TRPC4: variants seen among roughly 807,000 people sequenced by gnomAD.
TRPC4 encodes the protein transient receptor potential cation channel subfamily C member 4.
A neutral mutation model predicts 99.4 loss-of-function variants in TRPC4; 49 were observed. That is an observed-to-expected ratio of 0.49 (90% CI 0.39 to 0.63). The LOEUF is 0.63. TRPC4 is among the 20% of genes least tolerant of loss of function. TRPC4 has a pLI of 0.00. For missense variants in TRPC4, 898 were observed against 1,152.9 expected (o/e 0.78, Z 3.20); for synonymous variants, 454 against 425.9 (o/e 1.07, Z -0.81).
rs1363165324 is a variant in TRPC4, at chr13:37,783,261, C to T, written c.73G>A (p.Ala25Thr). ...RDRIPLRIVR[A>T]ESELSPSEKA... ...TCTGATGGCGAGAGTTCTGATTCTG[C>T]TCTTACTATCCTTAGAGGGATGCGG... Residue 25 changes from alanine (A) to threonine (T), a missense_variant, in exon 2 of 11, where the codon GCA becomes ACA. By Grantham distance (58) the Ala-to-Thr change is moderately conservative (BLOSUM62 0). Transcript: ENST00000379705. 1.2e-6 allele frequency: 2 copies of T among 1,613,428 alleles called. No homozygotes were observed. Among genetic ancestry groups the T allele is most frequent in the African/African-American group, 2.7e-5 (2 of 74,890 alleles).
intron 3 of TRPC4, among the ~76,000 whole-genome samples, chr13:37,728,763 C>T (rs1413393680): frequency 1.3e-5 from 2 of 152,060 alleles, no homozygotes; most frequent in African/African-American, 4.8e-5. Flanking sequence ...AGGTCTCATA[C>T]TTCCTGATTT....
At chr13:37,856,092 G>C (rs921315775) in intron 1 of TRPC4, among the ~76,000 whole-genome samples, 1 of 151,676 alleles carries the variant, frequency 6.6e-6, no homozygotes, top group Non-Finnish European at 1.5e-5. Context: ...GAAACAAAAA[G>C]TTTGTTTTTT....
At chr13:37,676,481 C>G (rs1251697056) in intron 4 of TRPC4, among the ~76,000 whole-genome samples, 1 of 151,760 alleles carries the variant, frequency 6.6e-6, no homozygotes, top group Non-Finnish European at 1.5e-5. Flanking sequence ...AAAGCGATTT[C>G]CCTGCCTCAG....
At chr13:37,750,125 A>G (rs747522119) in intron 2 of TRPC4, among the ~76,000 whole-genome samples, 3 of 128,104 alleles carry the variant, frequency 2.3e-5, no homozygotes, top group Non-Finnish European at 3.3e-5. Flanking sequence ...TCTTTGTTCA[A>G]CTTTAGCTCT....
chr13:37,829,840 C>G (rs1240225501), intron 1 of TRPC4, among the ~76,000 whole-genome samples: 3 of 152,150 alleles, frequency 2.0e-5, no homozygotes, highest in Non-Finnish European at 4.4e-5. Context: ...TACTACAACA[C>G]AGATGAACCT....
intron 2 of TRPC4, among the ~76,000 whole-genome samples, chr13:37,762,431 G>A (rs1593683719): frequency 1.3e-5 from 2 of 151,238 alleles, no homozygotes; most frequent in Non-Finnish European, 3.0e-5. Context: ...TGTTTATTGC[G>A]GCACTATTCA....
At chr13:37,726,493 T>C (rs939516871) in intron 3 of TRPC4, among the ~76,000 whole-genome samples, 1 of 151,968 alleles carries the variant, frequency 6.6e-6, no homozygotes, top group Non-Finnish European at 1.5e-5. Context: ...CTATGGAATA[T>C]ACACAAAAGA....
chr13:37,711,357 T>C (rs1194603936), intron 3 of TRPC4, among the ~76,000 whole-genome samples: 3 of 152,054 alleles, frequency 2.0e-5, no homozygotes, highest in African/African-American at 2.4e-5. Context: ...GCAATGATAG[T>C]ACTTTGAAAA....
intron 1 of TRPC4, among the ~76,000 whole-genome samples, chr13:37,827,223 C>T (rs1452139350): frequency 6.6e-6 from 1 of 151,986 alleles, no homozygotes; most frequent in Non-Finnish European, 1.5e-5. Flanking sequence ...TTTCAATGTC[C>T]TCCCATAGCT....
chr13:37,758,530 T>C (rs183134595), intron 2 of TRPC4, among the ~76,000 whole-genome samples: 1 of 151,900 alleles, frequency 6.6e-6, no homozygotes, highest in African/African-American at 2.4e-5. Flanking sequence ...CTCATCATTA[T>C]TTTGGAGTTT....
intron 1 of TRPC4, among the ~76,000 whole-genome samples, chr13:37,804,749 T>C (rs918468971): frequency 1.3e-5 from 2 of 152,022 alleles, no homozygotes; most frequent in African/African-American, 4.8e-5. Flanking sequence ...TGTTTTAAAG[T>C]GTTTTCAAAT....
intron 1 of TRPC4, among the ~76,000 whole-genome samples, chr13:37,792,884 C>A (rs1195285006): frequency 1.3e-5 from 2 of 151,936 alleles, no homozygotes; most frequent in Non-Finnish European, 2.9e-5. Flanking sequence ...GAGATTATTG[C>A]AAATGTAAGA....
At chr13:37,724,159 C>A (rs1331445123) in intron 3 of TRPC4, among the ~76,000 whole-genome samples, 1 of 151,954 alleles carries the variant, frequency 6.6e-6, no homozygotes, top group East Asian at 1.9e-4. Flanking sequence ...ATCTCTAAGA[C>A]ATATTTTTCA....
chr13:37,639,967 G>A (rs1951665093), intron 8 of TRPC4, among the ~76,000 whole-genome samples: 1 of 151,900 alleles, frequency 6.6e-6, no homozygotes, highest in African/African-American at 2.4e-5. Context: ...ATTTGGGATT[G>A]TAGAATAGAG....
intron 1 of TRPC4, among the ~76,000 whole-genome samples, chr13:37,796,868 G>A (rs1404608485): frequency 6.7e-6 from 1 of 149,924 alleles, no homozygotes; most frequent in East Asian, 2.0e-4. Context: ...CAAGGCAATA[G>A]GATTCCTTGA....
At chr13:37,857,291 T>G (rs1369325153) in intron 1 of TRPC4, among the ~76,000 whole-genome samples, 5 of 151,608 alleles carry the variant, frequency 3.3e-5, no homozygotes. Flanking sequence ...AATGGACAGA[T>G]ATTTCATTTT....
chr13:37,789,183 G>C (rs1017195089), intron 1 of TRPC4, among the ~76,000 whole-genome samples: 1 of 152,098 alleles, frequency 6.6e-6, no homozygotes, highest in Non-Finnish European at 1.5e-5. Flanking sequence ...ATTACTCCAT[G>C]ATCTGGCTTC....
At position 37,714,784 on chromosome 13, in the gene TRPC4, C is replaced by T. The variant is rs552184767; in HGVS notation, c.898-22449G>A. ...CTCCTATTCAGTCAGTTCAGATTCC[C>T]TCTGGCATTGTTACATTGCTCCATA... is the stretch of plus-strand genomic sequence containing the variant. On this transcript the variant is annotated intron_variant, in intron 3 of 10. Transcript: ENST00000379705. 1.1e-4 allele frequency among the ~76,000 whole-genome samples: 12 copies of T among 107,866 alleles called. No individual in the cohort carries two copies. The East Asian group carries it at 3.3e-3, about 30-fold the overall frequency. The allele number at this position is 107,866 out of a possible 152,430, so 70.8% of individuals were successfully genotyped here. A position where few individuals can be genotyped will look rare whatever the true frequency, so the allele number is the denominator to read the frequency against.
At chr13:37,718,980 A>C (rs1490673763) in intron 3 of TRPC4, among the ~76,000 whole-genome samples, 1 of 152,164 alleles carries the variant, frequency 6.6e-6, no homozygotes, top group Non-Finnish European at 1.5e-5. Context: ...AACACATTAT[A>C]GTCAAACTTC....
Sources: gnomAD v4.1 joint callset for allele counts (sites outside exome capture counted in the v4.1 genomes callset) on GRCh38, gnomAD v4.1.1 for gene constraint, MANE v1.5 for transcripts, NCBI Gene and HGNC (gene_info 2026-07-23, HGNC 2026-07-21) for gene names.